The following UTRN variants were observed in gnomAD, a reference collection of about 807,000 sequenced individuals.
The protein encoded by UTRN is utrophin.
A neutral mutation model predicts 463.9 loss-of-function variants in UTRN; 283 were observed. That is an observed-to-expected ratio of 0.61 (90% confidence interval 0.55 to 0.67). The LOEUF is 0.67. UTRN is among the 30% of genes least tolerant of loss of function. The probability of loss-of-function intolerance (pLI) is 0.00; values close to 1 mark genes in which losing one functional copy is unlikely to be tolerated. For missense variants in UTRN, 3,922 were observed against 4,084.3 expected, an observed-to-expected ratio of 0.96 and a Z score of 1.08; for synonymous variants, 1,442 against 1,431.5, an observed-to-expected ratio of 1.01 and a Z score of -0.17.
intron 3 of UTRN, among the ~76,000 whole-genome samples, chr6:144,403,727 A>G (rs758422553): frequency 4.6e-5 from 7 of 152,334 alleles, no homozygotes; most frequent in Non-Finnish European, 7.3e-5. Flanking sequence ...AACATAATCA[A>G]TGCTTTGAGC....
rs536071430 is a variant in UTRN, at chr6:144,545,966, C to T, written c.6596-2674C>T. On this transcript the variant is annotated intron_variant, in intron 46 of 74. Coordinates refer to ENST00000367545, the MANE Select transcript of UTRN (RefSeq NM_007124.3). ...ACCCAGGAGGTGGAGGTTGCAGTGA[C>T]CCAAGACCGTACCATTGCACTCCAG... Among the ~76,000 whole-genome samples, 16 of 152,220 alleles carry T rather than the reference C, an allele frequency of 1.1e-4. No individual in the cohort carries two copies. In the East Asian group the frequency reaches 3.1e-3, roughly 29 times the overall value.
At chr6:144,327,772 G>T (rs932879906) in intron 2 of UTRN, among the ~76,000 whole-genome samples, 5 of 151,892 alleles carry the variant, frequency 3.3e-5, no homozygotes, top group Non-Finnish European at 7.4e-5. Flanking sequence ...GCAAAACCCC[G>T]TCTCTACTAA....
intron 7 of UTRN, among the ~76,000 whole-genome samples, chr6:144,426,962 A>T (rs1344346631): frequency 6.6e-6 from 1 of 152,238 alleles, no homozygotes; most frequent in Admixed American, 6.5e-5. Flanking sequence ...AAAAGAAACC[A>T]AAACTATGAA....
chr6:144,489,090 C>T (rs1036618135), intron 30 of UTRN, among the ~76,000 whole-genome samples: 8 of 151,816 alleles, frequency 5.3e-5, no homozygotes, highest in Non-Finnish European at 7.4e-5. Context: ...CACTATGTCA[C>T]CCAGGCTGGA....
At chr6:144,495,005 C>T (rs999597656) in intron 33 of UTRN, among the ~76,000 whole-genome samples, 1 of 152,038 alleles carries the variant, frequency 6.6e-6, no homozygotes, top group Non-Finnish European at 1.5e-5. Flanking sequence ...TACAGAGTGC[C>T]GATTGGTGTA....
At chr6:144,325,872 A>T (rs1562251301) in intron 2 of UTRN, among the ~76,000 whole-genome samples, 1 of 151,632 alleles carries the variant, frequency 6.6e-6, no homozygotes, top group Non-Finnish European at 1.5e-5. Flanking sequence ...CAAGAACAGA[A>T]TGTGATAAAA....
chr6:144,743,886 G>A (rs903685599), intron 54 of UTRN, among the ~76,000 whole-genome samples: 3 of 151,676 alleles, frequency 2.0e-5, no homozygotes, highest in African/African-American at 7.3e-5. Flanking sequence ...CCCTTAAATA[G>A]CTTTGTAATG....
In UTRN at chr6:144,412,648, A is replaced by G. The variant is rs1783999772; in HGVS notation, c.142-9230A>G. 2.0e-5 allele frequency among the ~76,000 whole-genome samples: 3 copies of G among 151,950 alleles called. No individual in the cohort carries two copies. The South Asian group carries it at 6.2e-4, about 32-fold the overall frequency. On this transcript the variant is annotated intron_variant, in intron 3 of 74. Transcript: ENST00000367545. ...TGCTTGGGCATCATTTTGAACTATC[A>G]GGGGCATCAGATTAATCTCAAATTA...
At chr6:144,743,162 A>G (rs1330916082) in intron 54 of UTRN, among the ~76,000 whole-genome samples, 1 of 152,238 alleles carries the variant, frequency 6.6e-6, no homozygotes, top group Middle Eastern at 3.2e-3. Context: ...GGACATACCA[A>G]TCTCTAGACT....
chr6:144,836,895 T>C (rs1451068737), intron 71 of UTRN, among the ~76,000 whole-genome samples: 1 of 152,214 alleles, frequency 6.6e-6, no homozygotes, highest in Non-Finnish European at 1.5e-5. Flanking sequence ...ATCGGCATTC[T>C]AAAGCTTTCT....
intron 51 of UTRN, among the ~76,000 whole-genome samples, chr6:144,669,989 G>A (rs893037321): frequency 2.8e-4 from 37 of 130,978 alleles, no homozygotes; most frequent in Non-Finnish European, 4.9e-4. Context: ...GTGTGTGTGT[G>A]TATACATATA....
chr6:144,488,842 C>A lies in UTRN; in HGVS notation c.4134+8C>A, dbSNP rs113814301. ...GTTCCACAGGAAGCTCAGGTATTGC[C>A]GTGCATTTGAGGGCTTTTGAGCTGT... On this transcript the variant is annotated splice_region_variant and intron_variant, in intron 30 of 74. Coordinates refer to ENST00000367545, the MANE Select transcript of UTRN (RefSeq NM_007124.3). 6 of 1,581,238 alleles carry A rather than the reference C, an allele frequency of 3.8e-6. No homozygotes were observed. The East Asian group carries it at 1.1e-4, about 30-fold the overall frequency.
intron 48 of UTRN, among the ~76,000 whole-genome samples, chr6:144,551,540 A>C (rs1038689604): frequency 2.0e-5 from 3 of 152,224 alleles, no homozygotes; most frequent in Admixed American, 1.3e-4. Context: ...GACTGGCATT[A>C]ATTTGGGGAT....
At chr6:144,336,848 T>G (rs913684224) in intron 2 of UTRN, among the ~76,000 whole-genome samples, 1 of 152,198 alleles carries the variant, frequency 6.6e-6, no homozygotes, top group Non-Finnish European at 1.5e-5. Context: ...CCTTCATTCC[T>G]GCCACTACAG....
chr6:144,390,340 C>T (rs1012933756), intron 2 of UTRN, among the ~76,000 whole-genome samples: 3 of 152,112 alleles, frequency 2.0e-5, no homozygotes, highest in South Asian at 2.1e-4. Flanking sequence ...ATGTCTAGCA[C>T]GGGCAATTCT....
At chr6:144,480,735 T>C (rs1386915051) in intron 26 of UTRN, among the ~76,000 whole-genome samples, 5 of 152,218 alleles carry the variant, frequency 3.3e-5, no homozygotes, top group Non-Finnish European at 7.3e-5. Context: ...GATGGTGTTT[T>C]CAAAGCTTTT....
At chr6:144,752,022 T>C (rs1791454342) in intron 56 of UTRN, 70 bp downstream of exon 56, 1 of 1,377,182 alleles carries the variant, frequency 7.3e-7, no homozygotes, top group Admixed American at 2.7e-5. Context: ...CCTCACTATA[T>C]TACCACTCAC....
Position 144,451,085 on chromosome 6 carries a change from C to T in UTRN, c.2073-285C>T, listed in dbSNP as rs563022709. Among the ~76,000 whole-genome samples the T allele has an allele frequency of 6.6e-5, 10 of 152,226 alleles. No homozygotes were observed. The South Asian group carries it at 1.5e-3, about 22-fold the overall frequency. On this transcript the variant is annotated intron_variant, in intron 17 of 74. Coordinates refer to ENST00000367545, the MANE Select transcript of UTRN (RefSeq NM_007124.3). ...CGAGATCGTGCCATTGCACTCAAGC[C>T]TGGGTGACAGGGCGAGACTCCATCT...
At chr6:144,491,520 T>G (rs1367504487) in intron 32 of UTRN, among the ~76,000 whole-genome samples, 2 of 152,152 alleles carry the variant, frequency 1.3e-5, no homozygotes, top group South Asian at 2.1e-4. Flanking sequence ...CAATAGAAAT[T>G]TAAACCTTAA....
Sources: allele counts gnomAD v4.1 joint callset (sites outside exome capture counted in the v4.1 genomes callset), GRCh38; gene constraint gnomAD v4.1.1; transcripts MANE v1.5; gene names NCBI Gene and HGNC (gene_info 2026-07-23, HGNC 2026-07-21).